CBR4: variants seen among roughly 807,000 people sequenced by gnomAD.
The protein encoded by CBR4 is carbonyl reductase 4.
CBR4 carries 22 observed loss-of-function variants against 21.0 expected under a neutral mutation model. That is an observed-to-expected ratio of 1.05 (90% CI 0.75 to 1.50). The LOEUF (loss-of-function observed/expected upper bound fraction) is 1.50, where lower values mean the gene tolerates loss of function less well. Among genes scored for constraint, CBR4 ranks in the 40% most tolerant of loss-of-function variants. The pLI is 0.00. For missense variants in CBR4, 302 were observed against 286.3 expected (o/e 1.05, Z -0.40); for synonymous variants, 100 against 104.4 (o/e 0.96, Z 0.26).
intron 2 of CBR4, among the ~76,000 whole-genome samples, chr4:168,914,798 C>G (rs1003691807): frequency 3.3e-5 from 5 of 152,182 alleles, no homozygotes; most frequent in African/African-American, 1.2e-4. Flanking sequence ...AGTTAGCTCA[C>G]AGAGAGTAGG....
At chr4:168,964,499 A>G (rs145656324) in intron 2 of CBR4, among the ~76,000 whole-genome samples, 1 of 152,218 alleles carries the variant, frequency 6.6e-6, no homozygotes, top group Non-Finnish European at 1.5e-5. Context: ...TTTGGTAAGC[A>G]GTGGTAAAAA....
chr4:168,898,575 GTGA>G, intron 2 of CBR4: 1 of 1,613,788 alleles, frequency 6.2e-7, no homozygotes, highest in Non-Finnish European at 8.5e-7. Flanking sequence ...GATGAATCAG[GTGA>G]TGAAGTTCAG....
intron 2 of CBR4, among the ~76,000 whole-genome samples, chr4:168,917,901 G>A (rs892198916): frequency 5.3e-5 from 8 of 151,858 alleles, no homozygotes; most frequent in Admixed American, 1.3e-4. Context: ...TTATATATCC[G>A]AGGAAAATGA....
chr4:168,919,077 A>G (rs1174330158), intron 2 of CBR4, among the ~76,000 whole-genome samples: 2 of 152,190 alleles, frequency 1.3e-5, no homozygotes, highest in Non-Finnish European at 2.9e-5. Context: ...GGTTATCTCT[A>G]TTTTTAATCA....
intron 2 of CBR4, chr4:168,926,459 G>A: frequency 3.8e-6 from 4 of 1,055,408 alleles, no homozygotes; most frequent in Non-Finnish European, 5.5e-6. Flanking sequence ...GTCACATTAT[G>A]TAAAAGGCAG....
At position 168,946,981 on chromosome 4, in the gene CBR4, A is replaced by G. The variant is rs1408694025; in HGVS notation, n.170-52216T>C. 2.0e-5 allele frequency among the ~76,000 whole-genome samples: 3 copies of G among 152,202 alleles called. No homozygotes were observed. The South Asian group carries it at 6.2e-4, about 31-fold the overall frequency. The stretch of plus-strand genomic sequence containing the variant: ...TTAAAACACAGATACAGAAAACCAC[A>G]TAAAACAAATATATACCTTAGCAAT... On this transcript the variant is annotated intron_variant and non_coding_transcript_variant, in intron 2 of 3. Transcript: ENST00000509108.
At chr4:168,999,534 T>C (rs1207179209) in intron 4 of CBR4, among the ~76,000 whole-genome samples, 1 of 151,100 alleles carries the variant, frequency 6.6e-6, no homozygotes, top group Non-Finnish European at 1.5e-5. Flanking sequence ...TTATCTGTAG[T>C]ATAAATTGCA....
In CBR4 at chr4:168,989,753, T is replaced by C; in HGVS notation, c.*397A>G. ...GTTTATATGACTTGCAAAATGTCTA[T>C]ACACTAAGATTGCTACAGTCTATGA... On this transcript the variant is annotated 3_prime_UTR_variant, in exon 5 of 5. Coordinates refer to ENST00000306193, the MANE Select transcript of CBR4 (RefSeq NM_032783.5). The C allele has an allele frequency of 1.0e-6, 1 of 987,154 alleles. No homozygotes were observed. Among genetic ancestry groups the C allele is most frequent in the Non-Finnish European group, 1.2e-6 (1 of 830,940 alleles). 61.1% of individuals were successfully genotyped at this position (987,154 alleles called of 1,614,324 possible).
chr4:168,934,876 CA>C (rs1763065741), intron 2 of CBR4, among the ~76,000 whole-genome samples: 1 of 151,970 alleles, frequency 6.6e-6, no homozygotes, highest in Non-Finnish European at 1.5e-5. Context: ...AAGGACATAA[CA>C]AAAAAACAAA....
chr4:169,000,853 T>A (rs1443942187), intron 4 of CBR4, among the ~76,000 whole-genome samples: 1 of 152,024 alleles, frequency 6.6e-6, no homozygotes, highest in African/African-American at 2.4e-5. Context: ...GAAAGGCAAA[T>A]AATGGAAAAG....
At chr4:168,966,246 G>A (rs551756093) in intron 2 of CBR4, among the ~76,000 whole-genome samples, 161 of 151,610 alleles carry the variant, frequency 1.1e-3, no homozygotes, top group Non-Finnish European at 1.5e-3. Context: ...AGGAAACGTG[G>A]CTCACGACTG....
rs1578989647 is a variant in CBR4 at position 168,989,728 on chromosome 4, G to A, written c.*422C>T. ...AGACAAAATATATAAATCAATACTT[G>A]TTTATATGACTTGCAAAATGTCTAT... On this transcript the variant is annotated 3_prime_UTR_variant, in exon 5 of 5. Transcript: ENST00000306193. 1.0e-6 allele frequency: 1 copy of A among 978,902 alleles called. No individual in the cohort carries two copies. The highest frequency in any genetic ancestry group is 1.7e-5 in the African/African-American group (1 of 57,188). 60.6% of individuals were successfully genotyped at this position (978,902 alleles called of 1,614,324 possible).
At chr4:168,896,727 GT>G in intron 2 of CBR4, 1 of 624,094 alleles carries the variant, frequency 1.6e-6, no homozygotes, top group Non-Finnish European at 2.8e-6. Context: ...ACCAGTGTCT[GT>G]TTCATTTAAT....
intron 2 of CBR4, chr4:168,898,556 TCTC>T: frequency 6.2e-7 from 1 of 1,613,912 alleles, no homozygotes. Context: ...GCTAGAAAGG[TCTC>T]CTGTGGATGA....
At chr4:168,976,905 G>A (rs1048934181) in intron 2 of CBR4, among the ~76,000 whole-genome samples, 35 of 152,166 alleles carry the variant, frequency 2.3e-4, no homozygotes, top group African/African-American at 6.8e-4. Flanking sequence ...ATACATGCAG[G>A]TCACAGGGGA....
chr4:168,975,830 G>A (rs947704660), intron 2 of CBR4, among the ~76,000 whole-genome samples: 3 of 152,080 alleles, frequency 2.0e-5, no homozygotes, highest in Non-Finnish European at 2.9e-5. Context: ...GGGGATTATG[G>A]CTGCCTCTGC....
chr4:168,894,613 T>C (rs768950992), exon 3 of CBR4: 1 of 1,613,654 alleles, frequency 6.2e-7, no homozygotes. Context: ...GCTCGTCGAC[T>C]GCTAGGTGCT....
At chr4:168,934,380 A>C (rs1763053576) in intron 2 of CBR4, among the ~76,000 whole-genome samples, 1 of 151,494 alleles carries the variant, frequency 6.6e-6, no homozygotes, top group African/African-American at 2.4e-5. Context: ...TTGAGATTTA[A>C]AAATACAAAA....
intron 2 of CBR4, among the ~76,000 whole-genome samples, chr4:168,978,603 G>C (rs966584545): frequency 6.6e-6 from 1 of 152,176 alleles, no homozygotes; most frequent in African/African-American, 2.4e-5. Flanking sequence ...AGGCTCTGGA[G>C]ACCTCCCCTG....
Sources: gnomAD v4.1 joint callset for allele counts (sites outside exome capture counted in the v4.1 genomes callset) on GRCh38, gnomAD v4.1.1 for gene constraint, MANE v1.5 for transcripts, NCBI Gene and HGNC (gene_info 2026-07-23, HGNC 2026-07-21) for gene names.